Variants in SCN8A observed in about 807,000 individuals in gnomAD.
SCN8A encodes sodium voltage-gated channel alpha subunit 8, also known as sodium channel protein type 8 subunit alpha.
SCN8A carries 30 observed loss-of-function variants against 184.1 expected under a neutral mutation model. That is an observed-to-expected ratio of 0.16 (90% CI 0.12 to 0.22). SCN8A has a LOEUF of 0.22. Ranked by LOEUF, SCN8A falls within the 10% of genes least tolerant of loss-of-function variation. SCN8A has a pLI of 1.00. For synonymous variants in SCN8A, 852 were observed against 907.0 expected (o/e 0.94, Z 1.09); for missense variants, 1,057 against 2,498.9 (o/e 0.42, Z 12.30).
chr12:51,712,865 C>T (rs1941903303), intron 11 of SCN8A: 4 of 1,463,838 alleles, frequency 2.7e-6, no homozygotes, highest in Non-Finnish European at 3.8e-6. Context: ...CCACCATAGC[C>T]TCCTCTTCCA....
intron 19 of SCN8A, among the ~76,000 whole-genome samples, chr12:51,773,723 C>T (rs1942965449): frequency 6.6e-6 from 1 of 152,176 alleles, no homozygotes; most frequent in African/African-American, 2.4e-5. Context: ...CAGCATTGTT[C>T]ACAATAGAAA....
intron 11 of SCN8A, among the ~76,000 whole-genome samples, chr12:51,709,488 G>A (rs530443893): frequency 6.6e-6 from 1 of 152,338 alleles, no homozygotes; most frequent in South Asian, 2.1e-4. Context: ...CGATGTTGGA[G>A]AAGGCAGGGC....
In SCN8A at chr12:51,712,677, C is replaced by G. The variant is rs963626525; in HGVS notation, c.1635+5962C>G. On this transcript the variant is annotated intron_variant, in intron 11 of 26. Coordinates refer to ENST00000627620, the MANE Select transcript of SCN8A (RefSeq NM_001330260.2). ...CCTCCTTCATTGTAACCATCATATC[C>G]TCCACCACCGCTACCATATCCACCA... The G allele has an allele frequency of 1.2e-5, 10 of 839,470 alleles. No homozygotes were observed. The South Asian group carries it at 1.3e-4, about 11-fold the overall frequency. The allele number at this position is 839,470 out of a possible 1,614,324, so 52.0% of individuals were successfully genotyped here. A position where few individuals can be genotyped will look rare whatever the true frequency, so the allele number is the denominator to read the frequency against.
intron 26 of SCN8A, among the ~76,000 whole-genome samples, chr12:51,802,903 G>C (rs1240914520): frequency 4.6e-5 from 7 of 152,154 alleles, no homozygotes; most frequent in Non-Finnish European, 7.4e-5. Context: ...GGTCTAATCA[G>C]ATTAAGCAGC....
intron 11 of SCN8A, chr12:51,713,443 A>T: frequency 2.5e-6 from 2 of 785,116 alleles, no homozygotes; most frequent in Non-Finnish European, 4.6e-6. Context: ...CCATTTCTCA[A>T]AATGTCCTCT....
chr12:51,603,276 T>TAA (rs1365396293), intron 1 of SCN8A, among the ~76,000 whole-genome samples: 1 of 152,244 alleles, frequency 6.6e-6, no homozygotes, highest in Non-Finnish European at 1.5e-5. Flanking sequence ...CTACACTATA[T>TAA]AACCCTTTGA....
intron 18 of SCN8A, 125 bp downstream of exon 18, chr12:51,770,110 C>T: frequency 1.5e-6 from 1 of 675,348 alleles, no homozygotes; most frequent in African/African-American, 1.8e-5. Context: ...GCTCCCCACC[C>T]CACCATTTTG....
At chr12:51,615,297 A>G (rs1326501752) in intron 1 of SCN8A, among the ~76,000 whole-genome samples, 10 of 152,196 alleles carry the variant, frequency 6.6e-5, no homozygotes, top group African/African-American at 2.2e-4. Context: ...GTGCACACCT[A>G]TAATCCAAAC....
rs303816 is a variant in SCN8A, at chr12:51,789,701, C to T, written c.4419+283C>T. ...AAGCAGGTAGGTCAGAGAGTGCAGT[C>T]GAGCAACAGAGATGAAAAGGAAAGA... On this transcript the variant is annotated intron_variant, in intron 24 of 26. Coordinates refer to ENST00000627620, the MANE Select transcript of SCN8A (RefSeq NM_001330260.2). Among the ~76,000 whole-genome samples, 93,841 of 152,006 alleles carry T rather than the reference C, an allele frequency of 0.62. 31,498 individuals carry two copies. Among genetic ancestry groups the T allele is most frequent in the Non-Finnish European group, 0.76 (51,455 of 67,998 alleles).
At chr12:51,675,798 A>C (rs1941212614) in intron 2 of SCN8A, among the ~76,000 whole-genome samples, 1 of 152,164 alleles carries the variant, frequency 6.6e-6, no homozygotes, top group African/African-American at 2.4e-5. Flanking sequence ...AAATTTCACC[A>C]CATAATAGCT....
In SCN8A at chr12:51,731,402, C is replaced by T. The variant is rs187421398; in HGVS notation, c.1998+9494C>T. Among the ~76,000 whole-genome samples the T allele has an allele frequency of 6.8e-4, 103 of 152,268 alleles. 1 individual carries two copies. Among genetic ancestry groups the T allele is most frequent in the Non-Finnish European group, 1.3e-3 (91 of 68,010 alleles). The stretch of plus-strand genomic sequence containing the variant: ...AGGAGCTGGAATTACAGGCATGTGC[C>T]ACCACGCCCGGCTAATTTTTGTATT... On this transcript the variant is annotated intron_variant, in intron 12 of 26. Coordinates refer to ENST00000627620, the MANE Select transcript of SCN8A (RefSeq NM_001330260.2).
At chr12:51,745,516 C>T (rs1043626817) in intron 12 of SCN8A, among the ~76,000 whole-genome samples, 3 of 152,184 alleles carry the variant, frequency 2.0e-5, no homozygotes, top group Non-Finnish European at 1.5e-5. Context: ...CTTACTTCGT[C>T]ATGTGGACCA....
chr12:51,771,409 T>C (rs1158271712), intron 19 of SCN8A, among the ~76,000 whole-genome samples: 1 of 151,284 alleles, frequency 6.6e-6, no homozygotes, highest in African/African-American at 2.4e-5. Context: ...CATGTAGGTG[T>C]GGAATCAAAG....
intron 1 of SCN8A, among the ~76,000 whole-genome samples, chr12:51,659,244 T>C (rs1940881712): frequency 2.0e-5 from 3 of 152,204 alleles, no homozygotes; most frequent in South Asian, 4.1e-4. Context: ...AGTCTACTTA[T>C]ATGAGGTTCA....
At chr12:51,778,802 T>G (rs923077375) in intron 20 of SCN8A, among the ~76,000 whole-genome samples, 9 of 152,212 alleles carry the variant, frequency 5.9e-5, no homozygotes, top group African/African-American at 1.9e-4. Flanking sequence ...CTAAATTTTC[T>G]TTAAAATATC....
At chr12:51,747,461 A>G (rs930308712) in intron 13 of SCN8A, among the ~76,000 whole-genome samples, 1 of 152,216 alleles carries the variant, frequency 6.6e-6, no homozygotes, top group African/African-American at 2.4e-5. Flanking sequence ...TTATTCACAT[A>G]GAGACCAAGA....
At chr12:51,779,060 A>G (rs1937807066) in intron 20 of SCN8A, among the ~76,000 whole-genome samples, 1 of 152,068 alleles carries the variant, frequency 6.6e-6, no homozygotes, top group South Asian at 2.1e-4. Flanking sequence ...TACTAAAAAT[A>G]CAAAATTAGC....
chr12:51,687,077 C>G lies in SCN8A; in HGVS notation c.486-14C>G. On this transcript the variant is annotated splice_polypyrimidine_tract_variant and intron_variant, in intron 4 of 26. Transcript: ENST00000627620. ...TGTCCAGAAATTACCTCAAGCTATT[C>G]ATTTCTTTGACAGGTACACGTTCAC... 1 of 1,612,902 alleles carries G rather than the reference C, an allele frequency of 6.2e-7. No homozygotes were observed. Among genetic ancestry groups the G allele is most frequent in the South Asian group, 1.1e-5 (1 of 90,980 alleles).
Position 51,699,690 on chromosome 12 carries a change from A to G in SCN8A, c.827A>G (p.Asn276Ser), listed in dbSNP as rs1306420940. ...ATCGGACTGCAGCTGTTCATGGGGA[A>G]CCTTCGAAACAAGTGTGTTGTGTGG... is the stretch of plus-strand genomic sequence containing the variant. ...ALIGLQLFMGNLRNKCVVWPI... is the reference protein window; with the variant it reads ...ALIGLQLFMGSLRNKCVVWPI... The change falls in exon 7 of 27, where the codon AAC becomes AGC. Residue 276 changes from asparagine (N) to serine (S), a missense_variant. Transcript: ENST00000627620. 6.2e-7 allele frequency: 1 copy of G among 1,613,948 alleles called. No individual in the cohort carries two copies.
Sources: allele counts gnomAD v4.1 joint callset (sites outside exome capture counted in the v4.1 genomes callset), GRCh38; gene constraint gnomAD v4.1.1; transcripts MANE v1.5; gene names NCBI Gene and HGNC (gene_info 2026-07-23, HGNC 2026-07-21).